TASP1: variants seen among roughly 807,000 people sequenced by gnomAD.
TASP1 encodes taspase 1.
A neutral mutation model predicts 56.6 loss-of-function variants in TASP1; 16 were observed. That is an observed-to-expected ratio of 0.28 (90% CI 0.19 to 0.43). The LOEUF (loss-of-function observed/expected upper bound fraction) is 0.43, where lower values mean the gene tolerates loss of function less well. Ranked by LOEUF, TASP1 falls within the 20% of genes least tolerant of loss-of-function variation. The pLI is 1.00. For missense variants in TASP1, 393 were observed against 511.6 expected (o/e 0.77, Z 2.24); for synonymous variants, 179 against 184.2 (o/e 0.97, Z 0.23).
the TASP1 span, among the ~76,000 whole-genome samples, chr20:13,352,031 C>T: frequency 6.6e-6 from 1 of 152,144 alleles, no homozygotes; most frequent in South Asian, 2.1e-4. Flanking sequence ...GGCAGCGCAC[C>T]CACAGAAGAC....
the TASP1 span, among the ~76,000 whole-genome samples, chr20:13,216,612 C>T: frequency 2.6e-5 from 4 of 152,182 alleles, 1 homozygote; most frequent in African/African-American, 9.7e-5. Context: ...TGCCATCCCT[C>T]CAGCCTCAGA....
At chr20:13,248,799 T>A in the TASP1 span, among the ~76,000 whole-genome samples, 2 of 151,930 alleles carry the variant, frequency 1.3e-5, no homozygotes, top group Non-Finnish European at 1.5e-5. Flanking sequence ...CATTTGGGGG[T>A]GAGCGGGGGA....
At chr20:13,445,866 A>T (rs959773235) in intron 11 of TASP1, among the ~76,000 whole-genome samples, 5 of 152,162 alleles carry the variant, frequency 3.3e-5, no homozygotes, top group Non-Finnish European at 5.9e-5. Context: ...GCATATCTGC[A>T]TATTAATACT....
chr20:13,188,664 T>C, the TASP1 span, among the ~76,000 whole-genome samples: 1 of 152,094 alleles, frequency 6.6e-6, no homozygotes, highest in Non-Finnish European at 1.5e-5. Context: ...AGTAACATTC[T>C]CCACAGAAAT....
At chr20:13,377,467 C>T in the TASP1 span, among the ~76,000 whole-genome samples, 4 of 152,132 alleles carry the variant, frequency 2.6e-5, no homozygotes, top group Admixed American at 1.3e-4. Context: ...CTGCTGGATT[C>T]GGTTTGCCAG....
the TASP1 span, among the ~76,000 whole-genome samples, chr20:13,350,347 C>T: frequency 2.0e-5 from 3 of 152,100 alleles, no homozygotes; most frequent in Admixed American, 2.0e-4. Context: ...ATTTCAATTG[C>T]CATCCCAGTT....
At chr20:13,107,952 T>C in the TASP1 span, among the ~76,000 whole-genome samples, 5 of 152,188 alleles carry the variant, frequency 3.3e-5, no homozygotes, top group African/African-American at 1.2e-4. Flanking sequence ...TTATGTGATG[T>C]TTTCTTAAGG....
At chr20:13,391,669 T>A (rs1600655368) in intron 13 of TASP1, among the ~76,000 whole-genome samples, 1 of 152,104 alleles carries the variant, frequency 6.6e-6, no homozygotes, top group African/African-American at 2.4e-5. Flanking sequence ...GAGTTCTTTT[T>A]GAAAGAAGTG....
chr20:13,216,215 T>C, the TASP1 span, among the ~76,000 whole-genome samples: 6 of 152,214 alleles, frequency 3.9e-5, no homozygotes, highest in African/African-American at 1.4e-4. Context: ...TTTTCCTCCA[T>C]GTGAGAGTGA....
At chr20:13,277,610 T>C in the TASP1 span, among the ~76,000 whole-genome samples, 4 of 151,726 alleles carry the variant, frequency 2.6e-5, no homozygotes, top group Non-Finnish European at 4.4e-5. Context: ...ACAAGATGTA[T>C]GATGTATTCC....
chr20:13,479,378 A>G (rs2043053273), intron 11 of TASP1, among the ~76,000 whole-genome samples: 1 of 152,190 alleles, frequency 6.6e-6, no homozygotes, highest in Admixed American at 6.5e-5. Context: ...AAGGATTTCA[A>G]CCAAATCATT....
intron 10 of TASP1, among the ~76,000 whole-genome samples, chr20:13,499,507 G>A (rs541026393): frequency 3.3e-5 from 5 of 151,598 alleles, no homozygotes; most frequent in African/African-American, 1.2e-4. Context: ...GGCAACGCAA[G>A]GCAAAGCTGT....
the TASP1 span, among the ~76,000 whole-genome samples, chr20:13,352,574 G>C: frequency 6.6e-6 from 1 of 152,286 alleles, no homozygotes; most frequent in African/African-American, 2.4e-5. Flanking sequence ...TCAATGAAGT[G>C]ATGGGCCTGT....
intron 13 of TASP1, among the ~76,000 whole-genome samples, chr20:13,390,949 G>A (rs2041249632): frequency 6.6e-6 from 1 of 152,120 alleles, no homozygotes; most frequent in African/African-American, 2.4e-5. Context: ...AAGTAGGAGA[G>A]GAAATGAGAA....
At chr20:13,442,986 A>T (rs1305082642) in intron 11 of TASP1, among the ~76,000 whole-genome samples, 2 of 152,232 alleles carry the variant, frequency 1.3e-5, no homozygotes, top group Admixed American at 6.5e-5. Flanking sequence ...TATAAATAAC[A>T]GATATTAAAA....
chr20:13,354,476 G>T, the TASP1 span, among the ~76,000 whole-genome samples: 1 of 152,274 alleles, frequency 6.6e-6, no homozygotes, highest in East Asian at 1.9e-4. Context: ...AGCAACCTGT[G>T]CTAGAAGACA....
At chr20:13,597,880 C>T (rs1045919349) in intron 4 of TASP1, among the ~76,000 whole-genome samples, 1 of 152,194 alleles carries the variant, frequency 6.6e-6, no homozygotes, top group African/African-American at 2.4e-5. Flanking sequence ...CATTCCTATA[C>T]ACCAATAACA....
At chr20:13,181,334 C>A in the TASP1 span, among the ~76,000 whole-genome samples, 5 of 152,294 alleles carry the variant, frequency 3.3e-5, no homozygotes, top group Admixed American at 3.3e-4. Flanking sequence ...TCTTTCCTTC[C>A]CTGGCCCCCT....
At chr20:13,540,613 T>C (rs540127657) in intron 8 of TASP1, among the ~76,000 whole-genome samples, 17 of 152,328 alleles carry the variant, frequency 1.1e-4, no homozygotes, top group Middle Eastern at 3.4e-3. Context: ...AGACATATGC[T>C]GAGCAAAAGA....
Sources: allele counts gnomAD v4.1 joint callset (sites outside exome capture counted in the v4.1 genomes callset), GRCh38; gene constraint gnomAD v4.1.1; transcripts MANE v1.5; gene names NCBI Gene and HGNC (gene_info 2026-07-23, HGNC 2026-07-21).